GRID2: variants seen among roughly 807,000 people sequenced by gnomAD.
The protein encoded by GRID2 is glutamate receptor ionotropic, delta-2.
GRID2 carries 33 observed loss-of-function variants against 114.8 expected under a neutral mutation model. That is an observed-to-expected ratio of 0.29 (90% CI 0.22 to 0.38). The LOEUF is 0.38. Among genes scored for constraint, GRID2 ranks in the 10% least tolerant of loss-of-function variants. The pLI, the probability that GRID2 is intolerant of heterozygous loss-of-function variation, is 1.00. For missense variants in GRID2, 1,184 were observed against 1,257.7 expected, an observed-to-expected ratio of 0.94 and a Z score of 0.89; for synonymous variants, 505 against 449.9, an observed-to-expected ratio of 1.12 and a Z score of -1.55.
chr4:92,734,837 G>C (rs1187109101), intron 2 of GRID2, among the ~76,000 whole-genome samples: 1 of 143,710 alleles, frequency 7.0e-6, no homozygotes, highest in East Asian at 2.1e-4. Context: ...GGAGTGCTGT[G>C]ATGCAATCAT....
intron 4 of GRID2, among the ~76,000 whole-genome samples, chr4:93,132,332 A>C (rs1734879649): frequency 6.6e-6 from 1 of 152,210 alleles, no homozygotes. Flanking sequence ...TGTAGCATGA[A>C]ACACTTTCTT....
intron 1 of GRID2, among the ~76,000 whole-genome samples, chr4:92,329,472 T>G (rs1191818434): frequency 5.3e-5 from 8 of 152,086 alleles, no homozygotes; most frequent in Non-Finnish European, 1.2e-4. Flanking sequence ...TTAGTGTCTG[T>G]CCTGTTGGTC....
At chr4:92,396,720 TC>T (rs1730508474) in intron 1 of GRID2, among the ~76,000 whole-genome samples, 1 of 152,046 alleles carries the variant, frequency 6.6e-6, no homozygotes, top group African/African-American at 2.4e-5. Flanking sequence ...ATTATTTTAA[TC>T]CCTTACTCTT....
chr4:93,478,993 G>A (rs1396379803), intron 11 of GRID2, among the ~76,000 whole-genome samples: 1 of 152,022 alleles, frequency 6.6e-6, no homozygotes, highest in Non-Finnish European at 1.5e-5. Context: ...TATCAAGAGA[G>A]ACAGACCCAA....
At chr4:92,482,872 C>T (rs567655430) in intron 1 of GRID2, among the ~76,000 whole-genome samples, 1 of 152,164 alleles carries the variant, frequency 6.6e-6, no homozygotes, top group Non-Finnish European at 1.5e-5. Context: ...ACATTATTCT[C>T]TAAATTCTAT....
At chr4:93,336,478 C>G (rs987801651) in intron 8 of GRID2, among the ~76,000 whole-genome samples, 2 of 152,038 alleles carry the variant, frequency 1.3e-5, no homozygotes, top group Non-Finnish European at 2.9e-5. Context: ...GGTTTTTTCC[C>G]ACTAAAACAA....
At chr4:93,302,395 T>C (rs1754970180) in intron 8 of GRID2, among the ~76,000 whole-genome samples, 1 of 152,214 alleles carries the variant, frequency 6.6e-6, no homozygotes, top group Non-Finnish European at 1.5e-5. Context: ...GAAAGCCCCA[T>C]GGGCCGCATG....
intron 2 of GRID2, among the ~76,000 whole-genome samples, chr4:92,969,713 A>G (rs572892549): frequency 2.6e-5 from 4 of 151,784 alleles, no homozygotes; most frequent in Non-Finnish European, 5.9e-5. Flanking sequence ...TTCGTTTTCA[A>G]TGTGTTTTTG....
chr4:92,924,558 A>G (rs1175777330), intron 2 of GRID2, among the ~76,000 whole-genome samples: 2 of 152,180 alleles, frequency 1.3e-5, no homozygotes, highest in African/African-American at 4.8e-5. Context: ...CTTCCAAAAC[A>G]CTGCTGCATG....
At chr4:93,256,234 C>T (rs1344864203) in intron 8 of GRID2, among the ~76,000 whole-genome samples, 3 of 151,754 alleles carry the variant, frequency 2.0e-5, no homozygotes, top group African/African-American at 7.3e-5. Flanking sequence ...GAATGGCAAC[C>T]ATGTTTTAAC....
At chr4:93,805,343 T>C (rs1390183322) in intron 1 of GRID2, among the ~76,000 whole-genome samples, 5 of 152,202 alleles carry the variant, frequency 3.3e-5, no homozygotes, top group African/African-American at 1.2e-4. Flanking sequence ...GTAGATAAAA[T>C]GCAGTGTTTC....
At chr4:92,758,740 G>T (rs1260489889) in intron 2 of GRID2, among the ~76,000 whole-genome samples, 1 of 151,998 alleles carries the variant, frequency 6.6e-6, no homozygotes, top group Non-Finnish European at 1.5e-5. Context: ...GGCTATGGGG[G>T]TTTGTTTGTT....
intron 3 of GRID2, among the ~76,000 whole-genome samples, chr4:93,086,875 T>C (rs1467467109): frequency 1.3e-5 from 2 of 152,142 alleles, no homozygotes; most frequent in Non-Finnish European, 2.9e-5. Flanking sequence ...ATTTGTGGCC[T>C]TTATAACTTA....
chr4:93,210,065 G>A (rs1743273297), intron 5 of GRID2, among the ~76,000 whole-genome samples: 1 of 152,068 alleles, frequency 6.6e-6, no homozygotes, highest in African/African-American at 2.4e-5. Context: ...TCACTCTGAT[G>A]ATAGTTTCTT....
At chr4:93,117,694 A>G (rs532049071) in intron 4 of GRID2, among the ~76,000 whole-genome samples, 1 of 152,170 alleles carries the variant, frequency 6.6e-6, no homozygotes, top group East Asian at 1.9e-4. Flanking sequence ...TGTTTAAAAT[A>G]TCTCCCAAAC....
At chr4:93,317,605 C>T (rs1756799074) in intron 8 of GRID2, among the ~76,000 whole-genome samples, 1 of 151,950 alleles carries the variant, frequency 6.6e-6, no homozygotes, top group Non-Finnish European at 1.5e-5. Context: ...AAATTTATCC[C>T]CAAACTGCAA....
chr4:93,092,066 T>C (rs1218968176), intron 3 of GRID2, among the ~76,000 whole-genome samples: 2 of 152,062 alleles, frequency 1.3e-5, no homozygotes, highest in African/African-American at 2.4e-5. Context: ...CTCACTAAGG[T>C]ATATGAGCCA....
intron 8 of GRID2, among the ~76,000 whole-genome samples, chr4:93,309,237 A>G (rs1479477451): frequency 6.6e-6 from 1 of 152,164 alleles, no homozygotes; most frequent in Non-Finnish European, 1.5e-5. Flanking sequence ...TCATTTTTTC[A>G]AGAATTAATG....
At chr4:92,587,472 A>C (rs1728505142) in intron 1 of GRID2, among the ~76,000 whole-genome samples, 2 of 152,084 alleles carry the variant, frequency 1.3e-5, no homozygotes, top group Non-Finnish European at 2.9e-5. Context: ...GGAACTAATC[A>C]CATTGTTTTC....
Sources: allele counts gnomAD v4.1 joint callset (sites outside exome capture counted in the v4.1 genomes callset), GRCh38; gene constraint gnomAD v4.1.1; transcripts MANE v1.5; gene names NCBI Gene and HGNC (gene_info 2026-07-23, HGNC 2026-07-21).